The following TNIP1 variants were observed in gnomAD, a reference collection of about 807,000 sequenced individuals.
The protein encoded by TNIP1 is TNFAIP3-interacting protein 1.
Under a neutral mutation model 86.6 loss-of-function variants are expected in TNIP1, and 22 were observed. That is an observed-to-expected ratio of 0.25 (90% CI 0.18 to 0.36). The LOEUF is 0.36. Among genes scored for constraint, TNIP1 ranks in the 10% least tolerant of loss-of-function variants. The pLI is 1.00. For missense variants in TNIP1, 709 were observed against 820.6 expected, an observed-to-expected ratio of 0.86 and a Z score of 1.66; for synonymous variants, 294 against 313.0, an observed-to-expected ratio of 0.94 and a Z score of 0.64.
chr5:151,059,873 GCGC>G (rs1284531171), intron 5 of TNIP1, among the ~76,000 whole-genome samples: 1 of 62,544 alleles, frequency 1.6e-5, no homozygotes, highest in African/African-American at 7.6e-5. Flanking sequence ...GTGTGCGCGC[GCGC>G]GCGCGCATGC....
chr5:151,035,822 G>T, intron 13 of TNIP1, 115 bp from the exon 14 acceptor site: 2 of 1,380,642 alleles, frequency 1.4e-6, no homozygotes, highest in Non-Finnish European at 2.0e-6. Context: ...GCTGGGGGTC[G>T]CCATGGGGAG....
chr5:151,039,085 C>T lies in TNIP1; in HGVS notation c.1263+12G>A. ...GGGAGCCCAGCCAAGGGACCCGGGC[C>T]AAGGCACCCACCTTGTTGAGCCGCT... On this transcript the variant is annotated intron_variant, in intron 12 of 17. Coordinates refer to ENST00000521591, the MANE Select transcript of TNIP1 (RefSeq NM_006058.5). The T allele has an allele frequency of 6.2e-7, 1 of 1,610,606 alleles. No homozygotes were observed. The highest frequency in any genetic ancestry group is 8.5e-7 in the Non-Finnish European group (1 of 1,178,360).
At chr5:151,060,232 C>A (rs1284672838) in intron 5 of TNIP1, 86 bp downstream of exon 5, 1 of 1,431,556 alleles carries the variant, frequency 7.0e-7, no homozygotes, top group Non-Finnish European at 9.8e-7. Flanking sequence ...GGGATCTGAA[C>A]AGGTTCTGTG....
chr5:151,069,318 T>G (rs551839614), intron 1 of TNIP1, among the ~76,000 whole-genome samples: 1 of 152,318 alleles, frequency 6.6e-6, no homozygotes, highest in African/African-American at 2.4e-5. Context: ...GGTGGCTGGG[T>G]AGGGGGGTGG....
At chr5:151,033,253 G>C (rs1039747736) in intron 16 of TNIP1, among the ~76,000 whole-genome samples, 1 of 151,966 alleles carries the variant, frequency 6.6e-6, no homozygotes, top group African/African-American at 2.4e-5. Context: ...GAAACATGGT[G>C]AGGCTCTGGA....
At chr5:151,052,807 G>A (rs1760125588) in intron 6 of TNIP1, among the ~76,000 whole-genome samples, 1 of 152,162 alleles carries the variant, frequency 6.6e-6, no homozygotes, top group Admixed American at 6.5e-5. Context: ...AGCTCCCGGA[G>A]GGCTGGGACC....
intron 7 of TNIP1, 68 bp from the exon 8 acceptor site, chr5:151,050,015 A>T: frequency 6.2e-7 from 1 of 1,602,566 alleles, no homozygotes. Flanking sequence ...GGGCTCCTTA[A>T]TGCTCACTAT....
chr5:151,063,051 A>G (rs1456262779), intron 3 of TNIP1, among the ~76,000 whole-genome samples: 1 of 152,156 alleles, frequency 6.6e-6, no homozygotes, highest in Non-Finnish European at 1.5e-5. Flanking sequence ...TGCCTCTACC[A>G]TACATGGGAC....
At position 151,067,666 on chromosome 5, in the gene TNIP1, AG is replaced by A. The variant is rs953032523; in HGVS notation, c.-36-2536del. ...TGTAGATTAGAGGCTGCATGAGGACAGGGAGCAAGTCCATCCTGTGTGCCAG... is the reference window on the plus strand; with the variant it reads ...TGTAGATTAGAGGCTGCATGAGGACAGGAGCAAGTCCATCCTGTGTGCCAG... On this transcript the variant is annotated intron_variant, in intron 1 of 17. Coordinates refer to ENST00000521591, the MANE Select transcript of TNIP1 (RefSeq NM_006058.5). 9.2e-5 allele frequency among the ~76,000 whole-genome samples: 14 copies of A among 152,350 alleles called. 2 individuals are homozygous for A. The highest frequency in any genetic ancestry group is 1.9e-4 in the East Asian group (1 of 5,190).
chr5:151,062,020 AAC>A (rs1195053860), intron 4 of TNIP1, 105 bp downstream of exon 4: 7 of 1,021,926 alleles, frequency 6.8e-6, no homozygotes, highest in African/African-American at 1.6e-5. Flanking sequence ...AGCGAGACGG[AAC>A]ACAGTTTCTT....
chr5:151,078,385 TC>T (rs1422817847), intron 1 of TNIP1: 1 of 152,134 alleles, frequency 6.6e-6, no homozygotes, highest in African/African-American at 2.4e-5. Flanking sequence ...GGCACTCTTC[TC>T]CCGCTACAGA....
chr5:151,048,878 C>T (rs1759528341), intron 8 of TNIP1, among the ~76,000 whole-genome samples: 1 of 152,162 alleles, frequency 6.6e-6, no homozygotes, highest in African/African-American at 2.4e-5. Flanking sequence ...CTGGCCGTAC[C>T]CTACATCTGC....
At position 151,030,435 on chromosome 5, in the gene TNIP1, TG is replaced by T; in HGVS notation, c.*277del. The T allele has an allele frequency of 1.8e-6, 1 of 547,552 alleles. No homozygotes were observed. The highest frequency in any genetic ancestry group is 3.3e-6 in the Non-Finnish European group (1 of 304,932). 33.9% of individuals were successfully genotyped at this position (547,552 alleles called of 1,614,324 possible). A position where few individuals can be genotyped will look rare whatever the true frequency, so the allele number is the denominator to read the frequency against. ...TCCTGGAGGCTTCTGCAACGGATGG[TG>T]GGTCAAAGCCGGATGAGGCCTCTCT... On this transcript the variant is annotated 3_prime_UTR_variant, in exon 18 of 18. Coordinates refer to ENST00000521591, the MANE Select transcript of TNIP1 (RefSeq NM_006058.5).
At chr5:151,041,035 CCA>C (rs1254088422) in intron 11 of TNIP1, among the ~76,000 whole-genome samples, 1 of 151,870 alleles carries the variant, frequency 6.6e-6, no homozygotes, top group African/African-American at 2.4e-5. Context: ...TCACTTATGC[CCA>C]CTCTCTGATC....
intron 8 of TNIP1, 26 bp downstream of exon 8, chr5:151,049,798 T>C: frequency 6.2e-7 from 1 of 1,613,896 alleles, no homozygotes; most frequent in Non-Finnish European, 8.5e-7. Flanking sequence ...CCAAGGATGC[T>C]ACAGAAGGAA....
chr5:151,041,768 T>A (rs1284082195), intron 11 of TNIP1, among the ~76,000 whole-genome samples: 1 of 152,170 alleles, frequency 6.6e-6, no homozygotes, highest in African/African-American at 2.4e-5. Context: ...TCCTGTGGAC[T>A]CTATGCCAAA....
intron 1 of TNIP1, among the ~76,000 whole-genome samples, chr5:151,072,664 G>GC (rs1040237532): frequency 5.3e-4 from 80 of 152,108 alleles, no homozygotes; most frequent in African/African-American, 1.7e-3. Flanking sequence ...CATAGGGACT[G>GC]CCCCCCCTCC....
At chr5:151,057,070 C>A in intron 5 of TNIP1, 113 bp from the exon 6 acceptor site, 1 of 1,109,710 alleles carries the variant, frequency 9.0e-7, no homozygotes, top group Non-Finnish European at 1.2e-6. Context: ...CCCTGTGACC[C>A]CAGCTCAGCC....
chr5:151,062,355 G>A (rs1761686173), intron 3 of TNIP1, 143 bp from the exon 4 acceptor site: 1 of 716,802 alleles, frequency 1.4e-6, no homozygotes, highest in Admixed American at 2.4e-5. Context: ...GGTCTCATCA[G>A]GGCCAGGTAG....
Sources: gnomAD v4.1 joint callset for allele counts (sites outside exome capture counted in the v4.1 genomes callset) on GRCh38, gnomAD v4.1.1 for gene constraint, MANE v1.5 for transcripts, NCBI Gene and HGNC (gene_info 2026-07-23, HGNC 2026-07-21) for gene names.